The following TULP4 variants were observed in gnomAD, a reference collection of about 807,000 sequenced individuals.
TULP4 encodes the protein TUB like protein 4.
Under a neutral mutation model 129.0 loss-of-function variants are expected in TULP4, and 16 were observed. The ratio of observed to expected loss-of-function variants is 0.12; its 90% CI spans 0.08 to 0.19. TULP4 has a LOEUF of 0.19. Ranked by LOEUF, TULP4 falls within the 10% of genes least tolerant of loss-of-function variation. The probability of loss-of-function intolerance (pLI) is 1.00; values close to 1 mark genes in which losing one functional copy is unlikely to be tolerated. For missense variants in TULP4, 1,842 were observed against 2,059.1 expected (o/e 0.89, Z 2.04); for synonymous variants, 998 against 854.0 (o/e 1.17, Z -2.94).
chr6:158,240,072 C>T (rs1339925700), intron 1 of TULP4, among the ~76,000 whole-genome samples: 9 of 82,964 alleles, frequency 1.1e-4, no homozygotes, highest in Non-Finnish European at 1.4e-4. Context: ...CCGGACGGGG[C>T]GGCTGGCCGG....
At chr6:158,274,748 G>A (rs913823277) in intron 1 of TULP4, among the ~76,000 whole-genome samples, 1 of 152,182 alleles carries the variant, frequency 6.6e-6, no homozygotes, top group Non-Finnish European at 1.5e-5. Context: ...CTGCACTCCA[G>A]CCTGGGCAAC....
intron 1 of TULP4, among the ~76,000 whole-genome samples, chr6:158,343,935 C>G (rs1165408387): frequency 6.6e-6 from 1 of 152,158 alleles, no homozygotes; most frequent in Non-Finnish European, 1.5e-5. Context: ...GTGACCTGCA[C>G]GTATACATCC....
chr6:158,367,698 C>T (rs186098549), intron 1 of TULP4, among the ~76,000 whole-genome samples: 5 of 151,986 alleles, frequency 3.3e-5, no homozygotes, highest in African/African-American at 7.3e-5. Flanking sequence ...AATTTGATTC[C>T]GTCAGGTGGT....
At chr6:158,481,395 T>A in intron 8 of TULP4, 106 bp downstream of exon 8, 1 of 1,030,894 alleles carries the variant, frequency 9.7e-7, no homozygotes, top group Non-Finnish European at 1.5e-6. Context: ...AACGTGAGCC[T>A]GTGGGGGCTA....
chr6:158,472,775 T>G (rs540256764), intron 6 of TULP4, among the ~76,000 whole-genome samples: 4 of 152,342 alleles, frequency 2.6e-5, no homozygotes, highest in Admixed American at 6.5e-5. Context: ...GCTTTAAAAT[T>G]GATTCTCCTG....
intron 1 of TULP4, among the ~76,000 whole-genome samples, chr6:158,370,483 A>G (rs776890518): frequency 4.0e-5 from 6 of 148,834 alleles, no homozygotes; most frequent in Admixed American, 2.0e-4. Flanking sequence ...AAAAAAAAAA[A>G]GATTGTGGCA....
intron 1 of TULP4, among the ~76,000 whole-genome samples, chr6:158,399,736 T>C (rs1777800676): frequency 6.6e-6 from 1 of 152,246 alleles, no homozygotes. Flanking sequence ...CCTCTCTATT[T>C]GTGGGTGAGA....
At chr6:158,248,977 T>C (rs1490300058) in intron 1 of TULP4, among the ~76,000 whole-genome samples, 1 of 150,874 alleles carries the variant, frequency 6.6e-6, no homozygotes, top group Non-Finnish European at 1.5e-5. Context: ...TGTAAAAAAT[T>C]AGCCCGGTGT....
At chr6:158,297,163 T>G (rs778491942) in intron 1 of TULP4, among the ~76,000 whole-genome samples, 1 of 152,128 alleles carries the variant, frequency 6.6e-6, no homozygotes, top group Non-Finnish European at 1.5e-5. Flanking sequence ...TGCATTTCTT[T>G]TCCTAGGGTC....
At chr6:158,483,852 A>G (rs1322012794) in intron 8 of TULP4, among the ~76,000 whole-genome samples, 1 of 151,916 alleles carries the variant, frequency 6.6e-6, no homozygotes, top group Non-Finnish European at 1.5e-5. Context: ...TCCACTGTCA[A>G]GTGACTTGGC....
chr6:158,391,583 C>CT (rs1777586015), intron 1 of TULP4, among the ~76,000 whole-genome samples: 1 of 152,120 alleles, frequency 6.6e-6, no homozygotes, highest in Admixed American at 6.5e-5. Context: ...ACTGGGCAGT[C>CT]TGAGTGGCAG....
Position 158,378,485 on chromosome 6 carries a change from T to TTTTTTG in TULP4, c.253-34580_253-34579insTTTTTG, listed in dbSNP as rs1554285635. Among the ~76,000 whole-genome samples the TTTTTTG allele has an allele frequency of 8.9e-3, 454 of 51,244 alleles. 2 individuals carry two copies. The highest frequency in any genetic ancestry group is 0.012 in the Middle Eastern group (1 of 84). 33.6% of individuals were successfully genotyped at this position (51,244 alleles called of 152,430 possible). A position where few individuals can be genotyped will look rare whatever the true frequency, so the allele number is the denominator to read the frequency against. On this transcript the variant is annotated intron_variant, in intron 1 of 13. Transcript: ENST00000367097. ...CCAGTTTTTTTTTTTTTTTTTTTTTTGGTGGGGGTGGGGGTGGGAGATGGA... is the reference window on the plus strand; with the variant it reads ...CCAGTTTTTTTTTTTTTTTTTTTTTTTTTTTGGGTGGGGGTGGGGGTGGGAGATGGA...
intron 5 of TULP4, among the ~76,000 whole-genome samples, chr6:158,452,798 T>C (rs1269818030): frequency 6.6e-6 from 1 of 152,258 alleles, no homozygotes; most frequent in Non-Finnish European, 1.5e-5. Flanking sequence ...TGCTGATACC[T>C]TCCTGATAGA....
At position 158,503,277 on chromosome 6, in the gene TULP4, C is replaced by T. The variant is rs1780513135; in HGVS notation, c.3614C>T (p.Ala1205Val). The change falls in exon 13 of 14, where the codon GCT becomes GTT. Residue 1205 changes from alanine (A) to valine (V), a missense_variant. Physicochemically the swap from Ala to Val is moderately conservative, Grantham distance 64 (BLOSUM62 0). Transcript: ENST00000367097. This position sits in a 1 kb window ranked among gnomAD's most constrained non-coding sequence, Gnocchi z 4.3. The part of the protein sequence containing the change: ...YNNPPLPGVQ[A>V]PCSPKDALSP... ...AACCCCCCTTTGCCTGGAGTGCAGG[C>T]TCCCTGCTCTCCCAAAGATGCCCTG... 6.2e-7 allele frequency: 1 copy of T among 1,613,880 alleles called. No individual in the cohort carries two copies. The highest frequency in any genetic ancestry group is 1.3e-5 in the African/African-American group (1 of 74,884).
Position 158,313,313 on chromosome 6 carries a change from AAAC to A in TULP4, c.-698_-696del, listed in dbSNP as rs1309210445. 3 of 393,848 alleles carry A rather than the reference AAAC, an allele frequency of 7.6e-6. No individual in the cohort carries two copies. Among genetic ancestry groups the A allele is most frequent in the African/African-American group, 2.1e-5 (1 of 48,572 alleles). The allele number at this position is 393,848 out of a possible 1,614,324, so 24.4% of individuals were successfully genotyped here. On this transcript the variant is annotated 5_prime_UTR_variant, in exon 1 of 14. Transcript: ENST00000367097. ...TTGAGGTGGAAAGTTTCTGGTTCTG[AAAC>A]AACAAGGAGAGAGTCTGTTTTTCTT...
At position 158,413,061 on chromosome 6, in the gene TULP4, C is replaced by T. The variant is rs568370609; in HGVS notation, c.253-4C>T. Reference sequence around the variant, plus strand: ...TGGTAAATGTCTTCTTGGTGGTTTTCTAGGTTGTGCTGGTGAGGTGGAATG... The same window carrying T: ...TGGTAAATGTCTTCTTGGTGGTTTTTTAGGTTGTGCTGGTGAGGTGGAATG... On this transcript the variant is annotated splice_region_variant and splice_polypyrimidine_tract_variant and intron_variant, in intron 1 of 13. Transcript: ENST00000367097. This position sits in a 1 kb window ranked among gnomAD's most constrained non-coding sequence, Gnocchi z 4.9. 4.0e-5 allele frequency: 64 copies of T among 1,606,858 alleles called. No individual in the cohort carries two copies. The East Asian group carries it at 1.3e-3, about 34-fold the overall frequency.
At chr6:158,456,103 G>A (rs636334) in intron 5 of TULP4, among the ~76,000 whole-genome samples, 62,491 of 151,980 alleles carry the variant, frequency 0.41, 13,920 homozygotes, top group African/African-American at 0.6. Flanking sequence ...GGATCCAGGA[G>A]GTAGACGTTA....
chr6:158,239,557 T>C (rs1355367445), intron 1 of TULP4, among the ~76,000 whole-genome samples: 2 of 47,450 alleles, frequency 4.2e-5, no homozygotes, highest in Non-Finnish European at 8.8e-5. Flanking sequence ...GCCCCTCACC[T>C]CCCGGACGGG....
At chr6:158,417,386 C>A (rs1214246459) in intron 2 of TULP4, among the ~76,000 whole-genome samples, 1 of 152,216 alleles carries the variant, frequency 6.6e-6, no homozygotes, top group East Asian at 1.9e-4. Flanking sequence ...TGGAAGCACC[C>A]AGAATCTCAT....
Sources: gnomAD v4.1 joint callset for allele counts (sites outside exome capture counted in the v4.1 genomes callset) on GRCh38, gnomAD v4.1.1 for gene constraint, Gnocchi (gnomAD v3.1) non-coding constraint, MANE v1.5 for transcripts, NCBI Gene and HGNC (gene_info 2026-07-23, HGNC 2026-07-21) for gene names.